NUMBL: variants seen among roughly 807,000 people sequenced by gnomAD.
NUMBL encodes the protein NUMB like endocytic adaptor protein, also known as numb-like protein.
In NUMBL, 20 loss-of-function variants were observed where a neutral mutation model predicts 48.9. The observed-to-expected ratio is 0.41, with a 90% CI of 0.29 to 0.59. The LOEUF is 0.59. Among genes scored for constraint, NUMBL ranks in the 20% least tolerant of loss-of-function variants. The pLI is 0.31. For missense variants in NUMBL, 660 were observed against 846.2 expected (o/e 0.78, Z 2.73); for synonymous variants, 340 against 348.7 (o/e 0.98, Z 0.28).
rs1454158689 is a variant in NUMBL at position 40,667,166 on chromosome 19, G to A, written c.*302C>T. On this transcript the variant is annotated 3_prime_UTR_variant, in exon 10 of 10. Transcript: ENST00000252891. The surrounding 1 kb of genome is among the most constrained non-coding windows in gnomAD (Gnocchi z 6.1). ...ACTGGGAAATGGAGTGTGAACCAAG[G>A]GCATTCAGTGGGATTGTGGCCAACC... 2 of 399,340 alleles carry A rather than the reference G, an allele frequency of 5.0e-6. No individual in the cohort carries two copies. Among genetic ancestry groups the A allele is most frequent in the Non-Finnish European group, 9.3e-6 (2 of 215,356 alleles). The allele number at this position is 399,340 out of a possible 1,614,324, so 24.7% of individuals were successfully genotyped here.
At chr19:40,681,942 G>A (rs1203502420) in intron 5 of NUMBL, among the ~76,000 whole-genome samples, 2 of 152,018 alleles carry the variant, frequency 1.3e-5, no homozygotes, top group Non-Finnish European at 2.9e-5. Flanking sequence ...CAAAGTGCTG[G>A]GATTACAGGC....
chr19:40,667,965 G>A lies in NUMBL; in HGVS notation c.1333C>T (p.Gln445Ter). The change falls in exon 10 of 10, where the codon CAG becomes TAG. Residue 445 changes from glutamine to a stop codon, truncating the protein, a stop_gained. Coordinates refer to ENST00000252891, the MANE Select transcript of NUMBL (RefSeq NM_004756.5). LOFTEE classifies it low-confidence loss of function (END_TRUNC). The surrounding 1 kb of genome is among the most constrained non-coding windows in gnomAD (Gnocchi z 6.1). ...QQQQQQQQQQ[Q>*]QAASVAPVPT... ...ACTGGGGCCACTGAGGCTGCTTGCT[G>A]CTGTTGCTGCTGCTGCTGCTGCTGC... 1 of 1,478,254 alleles carries A rather than the reference G, an allele frequency of 6.8e-7. No homozygotes were observed. Among genetic ancestry groups the A allele is most frequent in the Non-Finnish European group, 8.9e-7 (1 of 1,123,698 alleles). The allele number at this position is 1,478,254 out of a possible 1,614,324, so 91.6% of individuals were successfully genotyped here.
At position 40,684,447 on chromosome 19, in the gene NUMBL, C is replaced by A; in HGVS notation, c.219G>T (p.Val73=). 1 of 1,578,808 alleles carries A rather than the reference C, an allele frequency of 6.3e-7. No individual in the cohort carries two copies. Residue 73 remains valine (V), a synonymous_variant, in exon 3 of 10, where the codon GTG becomes GTT. Transcript: ENST00000252891. ...PHQWQADEDA[V]RKGTCSFPVR... Reference sequence around the variant, plus strand: ...CCGGGAAGCTGCACGTGCCCTTCCGCACCGCGTCCTCGTCTGCCTGCCACT... The same window carrying A: ...CCGGGAAGCTGCACGTGCCCTTCCGAACCGCGTCCTCGTCTGCCTGCCACT...
Position 40,667,655 on chromosome 19 carries a change from G to A in NUMBL, c.1643C>T (p.Ala548Val), listed in dbSNP as rs1362072576. ...GAFPPPAIPSAPGSQARPRPN... is the reference protein window; with the variant it reads ...GAFPPPAIPSVPGSQARPRPN... ...GCGAGGGCGGGCCTGGCTCCCAGGG[G>A]CACTGGGTATGGCAGGGGGCGGGAA... Residue 548 changes from alanine (A) to valine (V), a missense_variant, in exon 10 of 10, where the codon GCC (alanine) becomes GTC (valine). By Grantham distance (64) the Ala-to-Val change is moderately conservative. Around this residue, in one of 3 missense-constraint regions of NUMBL, gnomAD observed 296 missense variants for 339.7 expected, o/e 0.87. Transcript: ENST00000252891. The surrounding 1 kb of genome is among the most constrained non-coding windows in gnomAD (Gnocchi z 6.1). 2.6e-6 allele frequency: 4 copies of A among 1,563,390 alleles called. No individual in the cohort carries two copies. Among genetic ancestry groups the A allele is most frequent in the Non-Finnish European group, 3.5e-6 (4 of 1,153,980 alleles).
At chr19:40,680,835 C>T in intron 6 of NUMBL, 82 bp downstream of exon 6, 1 of 1,490,750 alleles carries the variant, frequency 6.7e-7, no homozygotes, top group Non-Finnish European at 9.3e-7. Flanking sequence ...AGTGATGTGC[C>T]TGAATGCAGG....
chr19:40,683,231 C>G (rs114020483), intron 3 of NUMBL, among the ~76,000 whole-genome samples: 1 of 152,184 alleles, frequency 6.6e-6, no homozygotes. Context: ...GTGGTCCTCC[C>G]GAGAGCTAGT....
intron 7 of NUMBL, among the ~76,000 whole-genome samples, chr19:40,676,309 C>T (rs2081875697): frequency 6.6e-6 from 1 of 151,966 alleles, no homozygotes; most frequent in Non-Finnish European, 1.5e-5. Context: ...AGGAGGATTA[C>T]TTGAGCCCAG....
In NUMBL at chr19:40,682,656, G is replaced by A; in HGVS notation, c.399+72C>T. 3 of 1,431,880 alleles carry A rather than the reference G, an allele frequency of 2.1e-6. No individual in the cohort carries two copies. The South Asian group carries it at 3.7e-5, about 17-fold the overall frequency. The allele number at this position is 1,431,880 out of a possible 1,614,324, so 88.7% of individuals were successfully genotyped here. ...GAGGGATGTGCAGAGGAGGCGGGAAGGTGTCCTCCGCCCTGATTCCAGCAG... is the reference window on the plus strand; with the variant it reads ...GAGGGATGTGCAGAGGAGGCGGGAAAGTGTCCTCCGCCCTGATTCCAGCAG... On this transcript the variant is annotated intron_variant, in intron 5 of 9. Transcript: ENST00000252891. The surrounding 1 kb of genome is among the most constrained non-coding windows in gnomAD (Gnocchi z 4.0).
chr19:40,669,972 G>C lies in NUMBL; in HGVS notation c.1085C>G (p.Ala362Gly). 6.2e-7 allele frequency: 1 copy of C among 1,614,092 alleles called. No homozygotes were observed. The highest frequency in any genetic ancestry group is 8.5e-7 in the Non-Finnish European group (1 of 1,179,980). The change falls in exon 9 of 10, where the codon GCT (alanine) becomes GGT (glycine). Residue 362 changes from alanine to glycine, a missense_variant. By Grantham distance (60) the Ala-to-Gly change is moderately conservative. This residue lies in a region of NUMBL where 296 missense variants were observed against 339.7 expected (regional missense o/e 0.87). Transcript: ENST00000252891. ...PGAGDSDSIN[A>G]LCTQISSSFA... ...AGATGAACTGATCTGTGTGCACAGA[G>C]CGTTGATGCTGTCACTGTCGCCGGC...
intron 8 of NUMBL, among the ~76,000 whole-genome samples, chr19:40,671,511 G>A (rs2081847840): frequency 6.6e-6 from 1 of 152,132 alleles, no homozygotes; most frequent in African/African-American, 2.4e-5. Flanking sequence ...AGGAGCACGT[G>A]TGACAGCCTG....
chr19:40,674,002 A>G (rs2081862130), intron 7 of NUMBL, among the ~76,000 whole-genome samples: 2 of 152,160 alleles, frequency 1.3e-5, no homozygotes, highest in Admixed American at 1.3e-4. Flanking sequence ...CGTATCAGGC[A>G]TTGTTCCAGA....
Position 40,682,939 on chromosome 19 carries a change from G to A in NUMBL, c.279C>T (p.Ser93=), listed in dbSNP as rs2081912648. 1 of 1,613,382 alleles carries A rather than the reference G, an allele frequency of 6.2e-7. No individual in the cohort carries two copies. Among genetic ancestry groups the A allele is most frequent in the Non-Finnish European group, 8.5e-7 (1 of 1,179,830 alleles). The change falls in exon 4 of 10, where the codon TCC becomes TCT. Residue 93 remains serine (S), a synonymous_variant. Coordinates refer to ENST00000252891, the MANE Select transcript of NUMBL (RefSeq NM_004756.5). This position sits in a 1 kb window ranked among gnomAD's most constrained non-coding sequence, Gnocchi z 4.0. Reference sequence around the variant, plus strand: ...CATCTTCACACACGTGCATTCCCCGGGACTCCTCTACCTCCACGTGACCCA... The same window carrying A: ...CATCTTCACACACGTGCATTCCCCGAGACTCCTCTACCTCCACGTGACCCA... ...RYLGHVEVEE[S]RGMHVCEDAV...
At chr19:40,689,861 G>A (rs1389555249) in intron 1 of NUMBL, among the ~76,000 whole-genome samples, 3 of 151,830 alleles carry the variant, frequency 2.0e-5, no homozygotes, top group Admixed American at 2.0e-4. Flanking sequence ...GTGGGGTGGA[G>A]TCCCAGGCAC....
At chr19:40,684,353 C>T (rs949505974) in intron 3 of NUMBL, 64 bp downstream of exon 3, 16 of 1,498,756 alleles carry the variant, frequency 1.1e-5, no homozygotes, top group Admixed American at 2.1e-5. Flanking sequence ...GCCGCGCACC[C>T]GCACAGCACA....
At position 40,673,642 on chromosome 19, in the gene NUMBL, T is replaced by A. The variant is rs1326747752; in HGVS notation, c.738A>T (p.Ala246=). 6.7e-7 allele frequency: 1 copy of A among 1,487,556 alleles called. No homozygotes were observed. Among genetic ancestry groups the A allele is most frequent in the Non-Finnish European group, 9.0e-7 (1 of 1,114,720 alleles). The allele number at this position is 1,487,556 out of a possible 1,614,324, so 92.1% of individuals were successfully genotyped here. ...CAGGAGCCACAGTGGGGGCAGCTGC[T>A]GCCTCTGCTGGAGACATGGGGGAGA... ...REAPDKKKAE[A]AAAPTVAPGP... is the part of the protein sequence containing the mutation. Residue 246 remains alanine, a synonymous_variant, in exon 8 of 10, where the codon GCA becomes GCT. Coordinates refer to ENST00000252891, the MANE Select transcript of NUMBL (RefSeq NM_004756.5). This position sits in a 1 kb window ranked among gnomAD's most constrained non-coding sequence, Gnocchi z 5.9.
chr19:40,690,561 G>A lies in NUMBL; in HGVS notation c.-78C>T. The stretch of plus-strand genomic sequence containing the variant: ...GACTGCTGCTGCTGCGGTGGTGGCG[G>A]CGGCAGCTCGGTCTGACGCCGGCCA... On this transcript the variant is annotated 5_prime_UTR_variant, in exon 1 of 10. Transcript: ENST00000252891. 1.1e-6 allele frequency: 1 copy of A among 938,766 alleles called. No homozygotes were observed. Among genetic ancestry groups the A allele is most frequent in the Non-Finnish European group, 1.4e-6 (1 of 723,398 alleles). The allele number at this position is 938,766 out of a possible 1,614,324, so 58.2% of individuals were successfully genotyped here.
In NUMBL at chr19:40,677,315, C is replaced by G; in HGVS notation, c.647G>C (p.Arg216Pro). 1 of 1,611,446 alleles carries G rather than the reference C, an allele frequency of 6.2e-7. No homozygotes were observed. Among genetic ancestry groups the G allele is most frequent in the Non-Finnish European group, 8.5e-7 (1 of 1,179,622 alleles). Reference protein sequence around the residue: ...CGVTAAFDASRTSFAREGSFR... With the variant: ...CGVTAAFDASPTSFAREGSFR... ...GGAGCCCTCGCGGGCGAAGCTGGTG[C>G]GGCTGGCATCGAAGGCGGCCGTGAC... Residue 216 changes from arginine to proline, a missense_variant, in exon 7 of 10, where the codon CGC becomes CCC. Around this residue, in one of 3 missense-constraint regions of NUMBL, gnomAD observed 278 missense variants for 420.6 expected, o/e 0.66. Coordinates refer to ENST00000252891, the MANE Select transcript of NUMBL (RefSeq NM_004756.5).
chr19:40,670,254 C>A (rs1195612885), intron 8 of NUMBL, among the ~76,000 whole-genome samples: 1 of 152,170 alleles, frequency 6.6e-6, no homozygotes, highest in Non-Finnish European at 1.5e-5. Flanking sequence ...GGACCCCAAA[C>A]CAAGGACCTC....
chr19:40,688,697 C>T lies in NUMBL; in HGVS notation c.25-1702G>A, dbSNP rs1461835130. ...TATGGAAGCCATAATCATATACACA[C>T]CCCTACAAACATAATTTCCTGGCAC... On this transcript the variant is annotated intron_variant, in intron 1 of 9. Transcript: ENST00000252891. This position sits in a 1 kb window ranked among gnomAD's most constrained non-coding sequence, Gnocchi z 4.6. Among the ~76,000 whole-genome samples the T allele has an allele frequency of 6.6e-6, 1 of 152,162 alleles. No homozygotes were observed. The highest frequency in any genetic ancestry group is 1.5e-5 in the Non-Finnish European group (1 of 68,036).
Sources: gnomAD v4.1 joint callset for allele counts (sites outside exome capture counted in the v4.1 genomes callset) on GRCh38, gnomAD v4.1.1 for gene constraint, gnomAD v4.1.1 regional missense constraint, Gnocchi (gnomAD v3.1) non-coding constraint, MANE v1.5 for transcripts, NCBI Gene and HGNC (gene_info 2026-07-23, HGNC 2026-07-21) for gene names.